The following PCDH9 variants were observed in gnomAD, a reference collection of about 807,000 sequenced individuals.
PCDH9 encodes the protein protocadherin 9.
In PCDH9, 24 loss-of-function variants were observed where a neutral mutation model predicts 70.6. The ratio of observed to expected loss-of-function variants is 0.34; its 90% CI spans 0.25 to 0.48. The LOEUF is 0.48. PCDH9 is among the 20% of genes least tolerant of loss of function. PCDH9 has a pLI of 0.99. For synonymous variants in PCDH9, 562 were observed against 558.5 expected (o/e 1.01, Z -0.09); for missense variants, 1,281 against 1,503.6 (o/e 0.85, Z 2.45).
At chr13:66,327,275 C>T (rs1240594640) in intron 4 of PCDH9, among the ~76,000 whole-genome samples, 1 of 152,090 alleles carries the variant, frequency 6.6e-6, no homozygotes, top group Non-Finnish European at 1.5e-5. Flanking sequence ...TAACCTAAAT[C>T]CCCCATGCTG....
At chr13:66,743,065 T>G (rs1217201146) in intron 3 of PCDH9, among the ~76,000 whole-genome samples, 1 of 80,964 alleles carries the variant, frequency 1.2e-5, no homozygotes, top group Non-Finnish European at 3.2e-5. Context: ...TGCGGCATTA[T>G]TCACAATAGC....
At chr13:66,726,418 TCA>T (rs2079006410) in intron 3 of PCDH9, among the ~76,000 whole-genome samples, 1 of 152,188 alleles carries the variant, frequency 6.6e-6, no homozygotes, top group Middle Eastern at 3.4e-3. Flanking sequence ...GCATACAAAC[TCA>T]GAGGGTAATA....
intron 2 of PCDH9, among the ~76,000 whole-genome samples, chr13:66,987,019 C>T (rs1287674383): frequency 6.6e-6 from 1 of 151,794 alleles, no homozygotes; most frequent in African/African-American, 2.4e-5. Context: ...TCAAACTAAA[C>T]TGTTAATTGA....
intron 2 of PCDH9, among the ~76,000 whole-genome samples, chr13:66,938,368 C>T (rs1283675365): frequency 6.6e-6 from 1 of 152,106 alleles, no homozygotes; most frequent in Non-Finnish European, 1.5e-5. Flanking sequence ...CAGAATTAGA[C>T]CGAAGTTTGC....
intron 3 of PCDH9, among the ~76,000 whole-genome samples, chr13:66,734,152 T>C (rs1336508828): frequency 6.6e-6 from 1 of 152,134 alleles, no homozygotes; most frequent in Non-Finnish European, 1.5e-5. Context: ...TAAATTGACT[T>C]GGAACTGAGT....
intron 3 of PCDH9, among the ~76,000 whole-genome samples, chr13:66,757,522 C>T (rs937919375): frequency 2.0e-5 from 3 of 151,984 alleles, no homozygotes; most frequent in South Asian, 2.1e-4. Context: ...TATGTGTCCT[C>T]ATTAAAAATT....
intron 4 of PCDH9, among the ~76,000 whole-genome samples, chr13:66,510,424 A>G (rs1959411289): frequency 6.6e-6 from 1 of 151,974 alleles, no homozygotes; most frequent in Non-Finnish European, 1.5e-5. Flanking sequence ...GGTTTGTTAC[A>G]TATGTATACA....
chr13:66,744,615 C>G (rs772759419), intron 3 of PCDH9, among the ~76,000 whole-genome samples: 36 of 151,870 alleles, frequency 2.4e-4, no homozygotes, highest in Admixed American at 1.5e-3. Context: ...TAAGCAAATG[C>G]TAATAATAGG....
At position 66,493,995 on chromosome 13, in the gene PCDH9, A is replaced by G. The variant is rs566096072; in HGVS notation, c.3340+137215T>C. Among the ~76,000 whole-genome samples the G allele has an allele frequency of 7.6e-4, 115 of 152,282 alleles. 3 individuals carry two copies. The South Asian group carries it at 0.014, about 19-fold the overall frequency. On this transcript the variant is annotated intron_variant, in intron 4 of 4. Transcript: ENST00000377865. ...CAATATTAAACCATGATTATGTTGA[A>G]TAACTGGTTCAGTTACATTTTTAAG...
intron 3 of PCDH9, among the ~76,000 whole-genome samples, chr13:66,845,151 C>T (rs7983894): frequency 0.033 from 5,035 of 152,264 alleles, 274 homozygotes; most frequent in African/African-American, 0.11. Context: ...CACGAGGGAC[C>T]TGCCCCTTTC....
At chr13:67,158,003 G>C (rs1482735447) in intron 2 of PCDH9, among the ~76,000 whole-genome samples, 2 of 152,166 alleles carry the variant, frequency 1.3e-5, no homozygotes. Context: ...AAATGAGATG[G>C]AGCGAGTTTA....
At chr13:66,993,649 G>A (rs902215282) in intron 2 of PCDH9, among the ~76,000 whole-genome samples, 5 of 152,160 alleles carry the variant, frequency 3.3e-5, no homozygotes, top group African/African-American at 1.2e-4. Context: ...GCATACAAAA[G>A]CTAACAAGGG....
chr13:66,809,328 T>C (rs1302399411), intron 3 of PCDH9, among the ~76,000 whole-genome samples: 3 of 152,224 alleles, frequency 2.0e-5, no homozygotes, highest in Admixed American at 2.0e-4. Flanking sequence ...GAATATGTCT[T>C]ACCTTTTATA....
At chr13:66,568,994 CTTTTTT>C (rs61067249) in intron 4 of PCDH9, among the ~76,000 whole-genome samples, 9 of 58,322 alleles carry the variant, frequency 1.5e-4, no homozygotes, top group African/African-American at 4.5e-4. Context: ...GGAAACATGT[CTTTTTT>C]TTTTTTTTTT....
intron 2 of PCDH9, among the ~76,000 whole-genome samples, chr13:66,931,445 A>T (rs1320036984): frequency 6.6e-6 from 1 of 151,654 alleles, no homozygotes. Flanking sequence ...CCAAAAAAAT[A>T]AATTACTTGG....
intron 2 of PCDH9, chr13:67,224,238 C>T (rs1210162349): frequency 1.3e-5 from 2 of 152,178 alleles, no homozygotes; most frequent in Admixed American, 6.5e-5. Context: ...ATTACGAAAT[C>T]CTAGAAAGTT....
chr13:66,531,516 T>C (rs1015656844), intron 4 of PCDH9, among the ~76,000 whole-genome samples: 3 of 152,140 alleles, frequency 2.0e-5, no homozygotes, highest in African/African-American at 4.8e-5. Context: ...TTTCTTGTTA[T>C]GGCATGCACC....
Position 67,033,853 on chromosome 13 carries a change from G to A in PCDH9, c.3037-130248C>T, listed in dbSNP as rs540137771. ...TTTGAAGGGTTGGTGCTCACTTCAA[G>A]TTAGCAATGGTAAACAAACAAACAT... On this transcript the variant is annotated intron_variant, in intron 2 of 4. Transcript: ENST00000377865. 1.6e-4 allele frequency among the ~76,000 whole-genome samples: 24 copies of A among 152,316 alleles called. No individual in the cohort carries two copies. The South Asian group carries it at 5.0e-3, about 32-fold the overall frequency.
At chr13:66,665,104 C>T (rs1401957964) in intron 3 of PCDH9, among the ~76,000 whole-genome samples, 1 of 99,338 alleles carries the variant, frequency 1.0e-5, no homozygotes, top group Admixed American at 8.9e-5. Context: ...TCTTTCTTTT[C>T]TCTCCTTTTT....
Sources: gnomAD v4.1 joint callset for allele counts (sites outside exome capture counted in the v4.1 genomes callset) on GRCh38, gnomAD v4.1.1 for gene constraint, MANE v1.5 for transcripts, NCBI Gene and HGNC (gene_info 2026-07-23, HGNC 2026-07-21) for gene names.